The following HNF4G variants were observed in gnomAD, a reference collection of about 807,000 sequenced individuals.
HNF4G encodes hepatocyte nuclear factor 4 gamma.
In HNF4G, 21 loss-of-function variants were observed where a neutral mutation model predicts 50.9. That is an observed-to-expected ratio of 0.41 (90% CI 0.29 to 0.59). The LOEUF is 0.59. Ranked by LOEUF, HNF4G falls within the 20% of genes least tolerant of loss-of-function variation. The pLI, the probability that HNF4G is intolerant of heterozygous loss-of-function variation, is 0.26. For missense variants in HNF4G, 527 were observed against 559.4 expected (o/e 0.94, Z 0.58); for synonymous variants, 198 against 185.6 (o/e 1.07, Z -0.54).
intron 2 of HNF4G, among the ~76,000 whole-genome samples, chr8:75,497,571 C>G (rs2977934): frequency 0.28 from 42,453 of 151,536 alleles, 7,406 homozygotes; most frequent in African/African-American, 0.5. Context: ...GTAATCCCAG[C>G]TACTCGGGAG....
upstream of HNF4G, among the ~76,000 whole-genome samples, chr8:75,538,934 T>C (rs1415911648): frequency 1.3e-5 from 2 of 152,188 alleles, no homozygotes; most frequent in Non-Finnish European, 2.9e-5. Flanking sequence ...CTTTAACAAA[T>C]GTGGAAAAGG....
At chr8:75,467,996 T>C (rs1812024383) in intron 1 of HNF4G, among the ~76,000 whole-genome samples, 1 of 152,176 alleles carries the variant, frequency 6.6e-6, no homozygotes, top group South Asian at 2.1e-4. Flanking sequence ...GATATCGTCA[T>C]ATATATTTAT....
chr8:75,535,384 C>G (rs1052313109), upstream of HNF4G, among the ~76,000 whole-genome samples: 1 of 151,190 alleles, frequency 6.6e-6, no homozygotes, highest in Non-Finnish European at 1.5e-5. Flanking sequence ...TTTTGAGAAA[C>G]AAAAGGTGGC....
At chr8:75,480,873 G>T (rs1421441119) in intron 1 of HNF4G, among the ~76,000 whole-genome samples, 1 of 151,910 alleles carries the variant, frequency 6.6e-6, no homozygotes, top group Non-Finnish European at 1.5e-5. Context: ...ACCACACTCG[G>T]CTAATTTTTG....
chr8:75,497,538 G>A (rs1812803666), intron 2 of HNF4G, among the ~76,000 whole-genome samples: 2 of 151,966 alleles, frequency 1.3e-5, no homozygotes, highest in Admixed American at 6.6e-5. Flanking sequence ...ACAAAAATTA[G>A]CAGGGTGTGG....
chr8:75,475,823 A>T (rs1473563862), intron 1 of HNF4G, among the ~76,000 whole-genome samples: 1 of 152,206 alleles, frequency 6.6e-6, no homozygotes, highest in African/African-American at 2.4e-5. Flanking sequence ...ATTATAGGGT[A>T]GAAACTAAAG....
At chr8:75,435,538 A>C (rs1044659692) in intron 1 of HNF4G, among the ~76,000 whole-genome samples, 1 of 152,194 alleles carries the variant, frequency 6.6e-6, no homozygotes, top group East Asian at 1.9e-4. Context: ...GACTGGACCC[A>C]GGGCAATGGC....
intron 2 of HNF4G, among the ~76,000 whole-genome samples, chr8:75,495,926 A>C (rs1008782810): frequency 6.6e-6 from 1 of 152,158 alleles, no homozygotes; most frequent in Non-Finnish European, 1.5e-5. Context: ...ATATTTCTAT[A>C]TTATTTTGTC....
intron 2 of HNF4G, among the ~76,000 whole-genome samples, chr8:75,518,136 C>T (rs1197916943): frequency 8.6e-6 from 1 of 115,636 alleles, no homozygotes; most frequent in African/African-American, 3.3e-5. Context: ...TATCCCTCCC[C>T]CCTCCCCCCA....
chr8:75,556,139 G>A, intron 6 of HNF4G, 70 bp downstream of exon 6: 1 of 726,776 alleles, frequency 1.4e-6, no homozygotes, highest in Non-Finnish European at 2.2e-6. Context: ...TACAGGGTCT[G>A]TTCTGTATGT....
chr8:75,495,758 G>C (rs71529215), intron 2 of HNF4G, among the ~76,000 whole-genome samples: 7,589 of 151,862 alleles, frequency 0.05, 259 homozygotes, highest in Non-Finnish European at 0.072. Context: ...GTCTGGTCTC[G>C]AACTCCTGGC....
intron 1 of HNF4G, among the ~76,000 whole-genome samples, chr8:75,421,756 G>C (rs1810780899): frequency 6.6e-6 from 1 of 152,268 alleles, no homozygotes; most frequent in Admixed American, 6.5e-5. Flanking sequence ...CCGAGCACCT[G>C]CATTTGTAGC....
chr8:75,540,167 A>G (rs2943550), intron 1 of HNF4G, 87 bp downstream of exon 1: 51,914 of 766,262 alleles, frequency 0.068, 2,390 homozygotes, highest in African/African-American at 0.18. Flanking sequence ...TGGTGGCTCA[A>G]TGTTTTTTTT....
At chr8:75,469,419 A>G (rs527462862) in intron 1 of HNF4G, among the ~76,000 whole-genome samples, 1 of 152,196 alleles carries the variant, frequency 6.6e-6, no homozygotes, top group Admixed American at 6.5e-5. Context: ...TATGAATCTG[A>G]GGATTCTTGG....
chr8:75,519,248 A>G (rs961030690), intron 2 of HNF4G, among the ~76,000 whole-genome samples: 10 of 152,170 alleles, frequency 6.6e-5, no homozygotes, highest in Admixed American at 1.3e-4. Context: ...CCTGGACTTC[A>G]TTGTCCATAT....
chr8:75,408,313 G>A (rs1355525964), intron 1 of HNF4G, among the ~76,000 whole-genome samples: 1 of 152,146 alleles, frequency 6.6e-6, no homozygotes, highest in Non-Finnish European at 1.5e-5. Flanking sequence ...AAGCTTTGGT[G>A]GCTGTAGCGG....
intron 1 of HNF4G, among the ~76,000 whole-genome samples, chr8:75,419,767 G>C (rs1049744654): frequency 1.3e-5 from 2 of 152,238 alleles, no homozygotes; most frequent in Non-Finnish European, 2.9e-5. Context: ...TTAAAACAGC[G>C]AGTGATTAGT....
At position 75,453,540 on chromosome 8, in the gene HNF4G, AG is replaced by A. The variant is rs1811640028; in HGVS notation, c.-143-36546del. ...CCGTAGCCAGCAGTGGCAACCTGCTAGGGTTCCTTTCCATGCTGTGGAAGCT... is the reference window on the plus strand; with the variant it reads ...CCGTAGCCAGCAGTGGCAACCTGCTAGGTTCCTTTCCATGCTGTGGAAGCT... On this transcript the variant is annotated intron_variant, in intron 1 of 10. Transcript: ENST00000354370. Among the ~76,000 whole-genome samples, 2 of 128,604 alleles carry A rather than the reference AG, an allele frequency of 1.6e-5. 1 individual carries two copies. Among genetic ancestry groups the A allele is most frequent in the South Asian group, 5.4e-4 (2 of 3,670 alleles). The allele number at this position is 128,604 out of a possible 152,430, so 84.4% of individuals were successfully genotyped here.
chr8:75,547,813 T>A, intron 3 of HNF4G, 132 bp downstream of exon 3: 1 of 626,024 alleles, frequency 1.6e-6, no homozygotes, highest in East Asian at 2.8e-5. Flanking sequence ...GAATCTATGA[T>A]TCCTCAAGTT....
Sources: gnomAD v4.1 joint callset for allele counts (sites outside exome capture counted in the v4.1 genomes callset) on GRCh38, gnomAD v4.1.1 for gene constraint, MANE v1.5 for transcripts, NCBI Gene and HGNC (gene_info 2026-07-23, HGNC 2026-07-21) for gene names.